The following INSL6 variants were observed in gnomAD, a reference collection of about 807,000 sequenced individuals.
INSL6 encodes insulin like 6.
INSL6 carries 16 observed loss-of-function variants against 9.4 expected under a neutral mutation model. That is an observed-to-expected ratio of 1.70 (90% CI 1.15 to 2.59). INSL6 has a LOEUF of 2.59. Ranked by LOEUF, INSL6 falls within the 30% of genes most tolerant of loss-of-function variation. INSL6 has a pLI of 0.00. For missense variants in INSL6, 391 were observed against 257.3 expected, an observed-to-expected ratio of 1.52 and a Z score of -3.56; for synonymous variants, 154 against 96.9, an observed-to-expected ratio of 1.59 and a Z score of -3.46.
At chr9:5,155,711 T>C (rs938850492) in intron 2 of INSL6, among the ~76,000 whole-genome samples, 9 of 148,586 alleles carry the variant, frequency 6.1e-5, no homozygotes, top group Non-Finnish European at 1.2e-4. Flanking sequence ...TAAGTGGGAG[T>C]TGAACAATGA....
downstream of INSL6, among the ~76,000 whole-genome samples, chr9:5,163,274 G>C (rs145382730): frequency 6.8e-4 from 104 of 152,218 alleles, no homozygotes; most frequent in African/African-American, 2.5e-3. Flanking sequence ...CTTTTCTACA[G>C]GTTTCTCAAA....
the INSL6 span, among the ~76,000 whole-genome samples, chr9:5,042,129 T>C: frequency 2.2e-4 from 14 of 64,538 alleles, no homozygotes; most frequent in South Asian, 5.0e-4. Context: ...AATTTCTTTT[T>C]TTTTTTTTTT....
the INSL6 span, chr9:5,089,876 T>C: frequency 1.1e-5 from 16 of 1,438,136 alleles, no homozygotes; most frequent in Admixed American, 2.6e-5. Flanking sequence ...AAGCTGCCCA[T>C]TGAAACCTAT....
the INSL6 span, among the ~76,000 whole-genome samples, chr9:5,087,670 A>T: frequency 6.6e-6 from 1 of 152,252 alleles, no homozygotes; most frequent in Admixed American, 6.5e-5. Context: ...CATTGTTGGC[A>T]GGGATGTGAT....
chr9:5,031,981 G>A, the INSL6 span, among the ~76,000 whole-genome samples: 15 of 152,378 alleles, frequency 9.8e-5, no homozygotes, highest in African/African-American at 2.2e-4. Context: ...CCCGGGAAGC[G>A]CAAAGGGTCA....
rs762683628 is a variant in INSL6 at position 5,164,028 on chromosome 9, T to C, written c.527A>G (p.Glu176Gly). Residue 176 changes from glutamate (E) to glycine (G), a missense_variant, in exon 2 of 2, where the codon GAA (glutamate) becomes GGA (glycine). Transcript: ENST00000381641. ...HPQRKRRGYS[E>G]KCCLTGCTKE... ...TGTACATCCTGTAAGACAACACTTT[T>C]CTGAATATCCTCTGCGTTTTCTTTG... 1.2e-6 allele frequency: 2 copies of C among 1,613,708 alleles called. No homozygotes were observed. The highest frequency in any genetic ancestry group is 1.7e-6 in the Non-Finnish European group (2 of 1,179,834).
chr9:5,089,965 C>A, the INSL6 span: 1 of 694,338 alleles, frequency 1.4e-6, no homozygotes. Context: ...TATGCCAATG[C>A]CCAGAGGGAG....
the INSL6 span, among the ~76,000 whole-genome samples, chr9:5,081,497 T>G: frequency 6.6e-6 from 1 of 152,236 alleles, no homozygotes; most frequent in Non-Finnish European, 1.5e-5. Flanking sequence ...CTAAAACTTC[T>G]TATTTTGGAA....
the INSL6 span, among the ~76,000 whole-genome samples, chr9:5,019,059 TG>T: frequency 6.6e-6 from 1 of 152,204 alleles, no homozygotes; most frequent in Non-Finnish European, 1.5e-5. Flanking sequence ...TTTGTCTTTT[TG>T]GGGATCTCTG....
the INSL6 span, among the ~76,000 whole-genome samples, chr9:5,011,248 T>C: frequency 6.6e-6 from 1 of 152,168 alleles, no homozygotes; most frequent in Non-Finnish European, 1.5e-5. Context: ...TTCAGTGGTG[T>C]GATCACGGCT....
the INSL6 span, among the ~76,000 whole-genome samples, chr9:5,060,188 A>G: frequency 1.1e-4 from 16 of 152,224 alleles, no homozygotes; most frequent in African/African-American, 3.9e-4. Flanking sequence ...GCCTCCAGAG[A>G]GTTATAATCT....
the INSL6 span, among the ~76,000 whole-genome samples, chr9:5,043,186 C>CAGCG: frequency 2.1e-4 from 32 of 152,334 alleles, no homozygotes; most frequent in South Asian, 6.2e-4. Flanking sequence ...GGCGGACTCC[C>CAGCG]AGCGGGTCAG....
At chr9:5,033,651 G>A in the INSL6 span, among the ~76,000 whole-genome samples, 1 of 152,288 alleles carries the variant, frequency 6.6e-6, no homozygotes, top group South Asian at 2.1e-4. Flanking sequence ...AGCTTCATAT[G>A]TGAAGGAGAA....
At chr9:5,003,382 C>A in the INSL6 span, among the ~76,000 whole-genome samples, 710 of 151,992 alleles carry the variant, frequency 4.7e-3, 6 homozygotes, top group African/African-American at 0.016. Flanking sequence ...ATTTAGCTAG[C>A]ATTTATTTTT....
chr9:5,045,862 A>G, the INSL6 span, among the ~76,000 whole-genome samples: 1 of 152,164 alleles, frequency 6.6e-6, no homozygotes, highest in Non-Finnish European at 1.5e-5. Flanking sequence ...GTAAACAAAT[A>G]TTTCCTTGAG....
chr9:5,149,546 ATCTC>A (rs1824672193), intron 2 of INSL6, among the ~76,000 whole-genome samples: 1 of 152,188 alleles, frequency 6.6e-6, no homozygotes, highest in African/African-American at 2.4e-5. Flanking sequence ...GATATGAAAG[ATCTC>A]TATAAGGAAA....
chr9:5,012,627 G>A, the INSL6 span, among the ~76,000 whole-genome samples: 1 of 152,140 alleles, frequency 6.6e-6, no homozygotes, highest in Non-Finnish European at 1.5e-5. Flanking sequence ...TTATTTTTAT[G>A]AGCATAGCAT....
the INSL6 span, among the ~76,000 whole-genome samples, chr9:5,052,633 A>T: frequency 1.3e-5 from 2 of 152,102 alleles, no homozygotes; most frequent in African/African-American, 4.8e-5. Context: ...CATGCCCATT[A>T]GCATTCAGTC....
chr9:5,142,052 T>C (rs900837715), intron 2 of INSL6, among the ~76,000 whole-genome samples: 2 of 152,198 alleles, frequency 1.3e-5, no homozygotes, highest in African/African-American at 4.8e-5. Context: ...TTCTGTGTTC[T>C]CTATTCTGTT....
Sources: gnomAD v4.1 joint callset for allele counts (sites outside exome capture counted in the v4.1 genomes callset) on GRCh38, gnomAD v4.1.1 for gene constraint, MANE v1.5 for transcripts, NCBI Gene and HGNC (gene_info 2026-07-23, HGNC 2026-07-21) for gene names.